Variants in HDAC4 observed in about 807,000 individuals in gnomAD.
HDAC4 encodes histone deacetylase 4.
HDAC4 carries 16 observed loss-of-function variants against 135.1 expected under a neutral mutation model. That is an observed-to-expected ratio of 0.12 (90% confidence interval 0.08 to 0.18). The LOEUF is 0.18. HDAC4 is among the 10% of genes least tolerant of loss of function. The probability of loss-of-function intolerance (pLI) is 1.00; values close to 1 mark genes in which losing one functional copy is unlikely to be tolerated. For synonymous variants in HDAC4, 685 were observed against 653.4 expected (o/e 1.05, Z -0.74); for missense variants, 1,143 against 1,511.8 (o/e 0.76, Z 4.05).
rs369925385 is a variant in HDAC4 at position 239,081,200 on chromosome 2, C to A, written c.2653-8G>T. ...GCCGGGCCCTGTGCCCACCTGTGGC[C>A]AGAAGGAGAGAAACACACGTCATGG... On this transcript the variant is annotated splice_region_variant and splice_polypyrimidine_tract_variant and intron_variant, in intron 21 of 26. Coordinates refer to ENST00000543185, the MANE Select transcript of HDAC4 (RefSeq NM_001378414.1). 73 of 1,610,940 alleles carry A rather than the reference C, an allele frequency of 4.5e-5. 1 individual carries two copies. Among genetic ancestry groups the A allele is most frequent in the Non-Finnish European group, 5.5e-5 (65 of 1,178,594 alleles).
At chr2:239,101,473 G>A (rs1036892835) in intron 16 of HDAC4, among the ~76,000 whole-genome samples, 7 of 152,168 alleles carry the variant, frequency 4.6e-5, no homozygotes, top group African/African-American at 1.2e-4. Context: ...CTCCTGCAAC[G>A]TGTGCCCTGC....
intron 2 of HDAC4, among the ~76,000 whole-genome samples, chr2:239,265,036 T>C (rs866409060): frequency 1.3e-5 from 2 of 152,080 alleles, no homozygotes; most frequent in South Asian, 2.1e-4. Flanking sequence ...TGGACAGGGG[T>C]GCAGAGCCTG....
intron 2 of HDAC4, among the ~76,000 whole-genome samples, chr2:239,316,478 C>G (rs1432041384): frequency 6.6e-6 from 1 of 152,144 alleles, no homozygotes; most frequent in Non-Finnish European, 1.5e-5. Context: ...CATGGTAGCA[C>G]GGGCCTGTAG....
At chr2:239,130,040 G>T (rs2040461393) in intron 11 of HDAC4, among the ~76,000 whole-genome samples, 1 of 152,248 alleles carries the variant, frequency 6.6e-6, no homozygotes, top group Non-Finnish European at 1.5e-5. Context: ...GGGTGCCTGA[G>T]TCCTTAGAAG....
In HDAC4 at chr2:239,079,922, C is replaced by T. The variant is rs141540204; in HGVS notation, c.2750+1173G>A. On this transcript the variant is annotated intron_variant, in intron 22 of 26. Coordinates refer to ENST00000543185, the MANE Select transcript of HDAC4 (RefSeq NM_001378414.1). The stretch of plus-strand genomic sequence containing the variant: ...TGCACACACACGTATACTGCATGCA[C>T]ACAGACATGCATCCACACCCACACA... Among the ~76,000 whole-genome samples, 161 of 148,588 alleles carry T rather than the reference C, an allele frequency of 1.1e-3. 5 individuals carry two copies. The highest frequency in any genetic ancestry group is 3.9e-3 in the African/African-American group (148 of 38,024).
At chr2:239,317,803 G>T (rs1204698658) in intron 2 of HDAC4, among the ~76,000 whole-genome samples, 1 of 152,234 alleles carries the variant, frequency 6.6e-6, no homozygotes, top group African/African-American at 2.4e-5. Flanking sequence ...AGCAATGCCA[G>T]TCGTTTGACT....
intron 4 of HDAC4, chr2:239,187,126 C>G (rs567306099): frequency 6.5e-6 from 1 of 152,788 alleles, no homozygotes; most frequent in East Asian, 1.9e-4. Flanking sequence ...CAGCAGGAGC[C>G]CCTGAGGCCA....
At chr2:239,401,158 A>T (rs1451772578), upstream of HDAC4, 1 of 151,398 alleles carries the variant, frequency 6.6e-6, no homozygotes, top group African/African-American at 2.4e-5. Flanking sequence ...TCTAATGAAG[A>T]GCTCGTCAAT....
chr2:239,343,010 C>T (rs1288127645), intron 2 of HDAC4, among the ~76,000 whole-genome samples: 2 of 152,172 alleles, frequency 1.3e-5, no homozygotes, highest in African/African-American at 2.4e-5. Context: ...GAGAAGCAAA[C>T]ATGAAAATAA....
At position 239,197,882 on chromosome 2, in the gene HDAC4, T is replaced by TGTGTGTGCGC. The variant is rs796837146; in HGVS notation, c.95-7806_95-7805insGCGCACACAC. Among the ~76,000 whole-genome samples, 257 of 150,414 alleles carry TGTGTGTGCGC rather than the reference T, an allele frequency of 1.7e-3. 1 individual carries two copies. Among genetic ancestry groups the TGTGTGTGCGC allele is most frequent in the African/African-American group, 6.1e-3 (248 of 40,694 alleles). ...GTGTGTGTGTGTGTGTGTGTGTGTG[T>TGTGTGTGCGC]GCTGAGTGTCACCCAGGCTGGACTG... On this transcript the variant is annotated intron_variant, in intron 3 of 26. Coordinates refer to ENST00000543185, the MANE Select transcript of HDAC4 (RefSeq NM_001378414.1).
chr2:239,219,873 C>T (rs915606033), intron 3 of HDAC4, among the ~76,000 whole-genome samples: 1 of 152,152 alleles, frequency 6.6e-6, no homozygotes, highest in Non-Finnish European at 1.5e-5. Flanking sequence ...CGAGTAAAAA[C>T]ACAGAACACA....
intron 1 of HDAC4, among the ~76,000 whole-genome samples, chr2:239,392,322 A>C (rs1040290203): frequency 2.0e-5 from 3 of 152,270 alleles, no homozygotes; most frequent in Non-Finnish European, 4.4e-5. Flanking sequence ...TCTGACCTGG[A>C]GAGCCAAGGG....
At position 239,282,840 on chromosome 2, in the gene HDAC4, T is replaced by G. The variant is rs181966777; in HGVS notation, c.23-46176A>C. On this transcript the variant is annotated intron_variant, in intron 2 of 26. Coordinates refer to ENST00000543185, the MANE Select transcript of HDAC4 (RefSeq NM_001378414.1). The stretch of plus-strand genomic sequence containing the variant: ...ACACAATGTACACACCACTCTACAA[T>G]GTACATACCACTCTACAATGTACAC... Among the ~76,000 whole-genome samples, 518 of 141,312 alleles carry G rather than the reference T, an allele frequency of 3.7e-3. 2 individuals are homozygous for G. Among genetic ancestry groups the G allele is most frequent in the African/African-American group, 0.013 (490 of 36,796 alleles). The allele number at this position is 141,312 out of a possible 152,430, so 92.7% of individuals were successfully genotyped here.
intron 2 of HDAC4, among the ~76,000 whole-genome samples, chr2:239,241,228 C>T (rs1253862562): frequency 6.6e-6 from 1 of 152,114 alleles, no homozygotes; most frequent in African/African-American, 2.4e-5. Context: ...AAAGAAAGTA[C>T]ATGAAAGCCC....
rs142160997 is a variant in HDAC4, at chr2:239,287,256, C to T, written c.23-50592G>A. ...CTGTCCTTCCTTTATCCTCCTGACT[C>T]CTGAGGCTCCTTCGGCTGCGACGGT... On this transcript the variant is annotated intron_variant, in intron 2 of 26. Coordinates refer to ENST00000543185, the MANE Select transcript of HDAC4 (RefSeq NM_001378414.1). Among the ~76,000 whole-genome samples, 27 of 152,328 alleles carry T rather than the reference C, an allele frequency of 1.8e-4. 1 individual carries two copies. Among genetic ancestry groups the T allele is most frequent in the Admixed American group, 1.1e-3 (17 of 15,308 alleles).
chr2:239,371,350 C>T (rs576220431), intron 1 of HDAC4, among the ~76,000 whole-genome samples: 7 of 152,190 alleles, frequency 4.6e-5, no homozygotes, highest in African/African-American at 7.2e-5. Context: ...CACTCAAACA[C>T]GCACACTCAA....
chr2:239,220,980 C>CGAG (rs2046917176), intron 3 of HDAC4, among the ~76,000 whole-genome samples: 1 of 152,138 alleles, frequency 6.6e-6, no homozygotes, highest in South Asian at 2.1e-4. Flanking sequence ...ATGACCAAGG[C>CGAG]GAGGTACTCC....
At chr2:239,062,025 T>C (rs1212316265) in intron 24 of HDAC4, among the ~76,000 whole-genome samples, 1 of 152,196 alleles carries the variant, frequency 6.6e-6, no homozygotes, top group African/African-American at 2.4e-5. Flanking sequence ...TGCAGGGTCT[T>C]TGATGGAAGT....
intron 3 of HDAC4, among the ~76,000 whole-genome samples, chr2:239,194,615 G>A (rs1180953429): frequency 6.6e-6 from 1 of 152,234 alleles, no homozygotes; most frequent in Non-Finnish European, 1.5e-5. Context: ...CAAAAGACAG[G>A]ACCCTATGGG....
Sources: allele counts gnomAD v4.1 joint callset (sites outside exome capture counted in the v4.1 genomes callset), GRCh38; gene constraint gnomAD v4.1.1; transcripts MANE v1.5; gene names NCBI Gene and HGNC (gene_info 2026-07-23, HGNC 2026-07-21).